Variants in RAB3IL1 observed in about 807,000 individuals in gnomAD.
RAB3IL1 encodes the protein guanine nucleotide exchange factor for Rab-3A.
RAB3IL1 carries 37 observed loss-of-function variants against 49.2 expected under a neutral mutation model. The ratio of observed to expected loss-of-function variants is 0.75; its 90% confidence interval spans 0.58 to 0.99. The LOEUF is 0.99. Among genes scored for constraint, RAB3IL1 ranks in the 50% least tolerant of loss-of-function variants. The pLI is 0.00. For missense variants in RAB3IL1, 484 were observed against 513.0 expected (o/e 0.94, Z 0.55); for synonymous variants, 193 against 213.9 (o/e 0.90, Z 0.85).
At chr11:61,945,327 A>G in the RAB3IL1 span, among the ~76,000 whole-genome samples, 1 of 152,090 alleles carries the variant, frequency 6.6e-6, no homozygotes, top group Non-Finnish European at 1.5e-5. Flanking sequence ...GGGAGAACTG[A>G]TTGTTTCTAC....
chr11:61,926,763 C>T, the RAB3IL1 span, among the ~76,000 whole-genome samples: 2 of 151,884 alleles, frequency 1.3e-5, no homozygotes, highest in Non-Finnish European at 2.9e-5. Context: ...CCATGTTGGC[C>T]GGGCTGGTCT....
At chr11:61,932,938 T>C in the RAB3IL1 span, among the ~76,000 whole-genome samples, 5 of 152,090 alleles carry the variant, frequency 3.3e-5, no homozygotes, top group Non-Finnish European at 7.4e-5. Context: ...GCCCAGCTAA[T>C]TTTTGTATTT....
At chr11:61,927,187 CTCTT>C in the RAB3IL1 span, among the ~76,000 whole-genome samples, 1 of 152,152 alleles carries the variant, frequency 6.6e-6, no homozygotes, top group Admixed American at 6.6e-5. Context: ...CTCCATCTCT[CTCTT>C]TTTCTCTCTC....
intron 8 of RAB3IL1, 127 bp downstream of exon 8, chr11:61,902,315 A>G: frequency 1.2e-6 from 1 of 851,206 alleles, no homozygotes; most frequent in Non-Finnish European, 1.8e-6. Flanking sequence ...CTCTGTCTCA[A>G]AAAATAAATA....
rs1939751867 is a variant in RAB3IL1, at chr11:61,917,490, C to T, written c.-123G>A. On this transcript the variant is annotated 5_prime_UTR_variant, in exon 1 of 10. Transcript: ENST00000394836. ...CGCCCCACCGCCTGTCAGCCCTGCC[C>T]GCGGCCGGTCAGTAGGTCTCAGACG... 8.7e-7 allele frequency: 1 copy of T among 1,145,706 alleles called. No individual in the cohort carries two copies. Among genetic ancestry groups the T allele is most frequent in the Non-Finnish European group, 1.1e-6 (1 of 934,376 alleles). 71.0% of individuals were successfully genotyped at this position (1,145,706 alleles called of 1,614,324 possible).
the RAB3IL1 span, among the ~76,000 whole-genome samples, chr11:61,932,854 C>A: frequency 1.3e-5 from 2 of 150,230 alleles, no homozygotes; most frequent in East Asian, 4.2e-4. Flanking sequence ...TCACTGCAAC[C>A]TCTGCCTCCA....
upstream of RAB3IL1, among the ~76,000 whole-genome samples, chr11:61,918,219 G>A (rs1400400630): frequency 6.6e-6 from 1 of 151,326 alleles, no homozygotes; most frequent in Non-Finnish European, 1.5e-5. Flanking sequence ...AATCCCAGAC[G>A]ACTGGTCTAC....
At chr11:61,946,051 T>C in the RAB3IL1 span, among the ~76,000 whole-genome samples, 1 of 152,196 alleles carries the variant, frequency 6.6e-6, no homozygotes, top group South Asian at 2.1e-4. Context: ...GTGGAGGTGC[T>C]GTTGTCTGTC....
At chr11:61,933,230 G>A in the RAB3IL1 span, among the ~76,000 whole-genome samples, 8 of 152,210 alleles carry the variant, frequency 5.3e-5, no homozygotes, top group African/African-American at 1.4e-4. Flanking sequence ...GTTAAGGACC[G>A]TGAGATGGGG....
intron 8 of RAB3IL1, among the ~76,000 whole-genome samples, chr11:61,900,154 G>A (rs1185980774): frequency 6.6e-6 from 1 of 152,250 alleles, no homozygotes; most frequent in Non-Finnish European, 1.5e-5. Flanking sequence ...TTGCCTCAGG[G>A]TGGAATCAAC....
At chr11:61,907,009 T>G (rs1184179035) in intron 4 of RAB3IL1, among the ~76,000 whole-genome samples, 1 of 152,190 alleles carries the variant, frequency 6.6e-6, no homozygotes, top group African/African-American at 2.4e-5. Context: ...AGGCCTCACA[T>G]TTTGCAGATG....
At chr11:61,930,056 C>T in the RAB3IL1 span, among the ~76,000 whole-genome samples, 4 of 151,860 alleles carry the variant, frequency 2.6e-5, no homozygotes, top group African/African-American at 7.3e-5. Context: ...CCACCATGCC[C>T]GGCTAATCTT....
intron 2 of RAB3IL1, 132 bp from the exon 3 acceptor site, chr11:61,907,792 C>T (rs957532715): frequency 1.1e-5 from 10 of 935,766 alleles, no homozygotes; most frequent in Non-Finnish European, 1.3e-5. Flanking sequence ...TCCTCTGGTG[C>T]CTGACAGTTT....
intron 8 of RAB3IL1, among the ~76,000 whole-genome samples, chr11:61,902,198 C>G (rs1938951342): frequency 6.6e-6 from 1 of 152,240 alleles, no homozygotes; most frequent in South Asian, 2.1e-4. Context: ...CCTGTAATCC[C>G]AGCTACTTGG....
chr11:61,914,544 G>C (rs1342995480), intron 1 of RAB3IL1, among the ~76,000 whole-genome samples: 3 of 152,196 alleles, frequency 2.0e-5, no homozygotes, highest in Non-Finnish European at 4.4e-5. Flanking sequence ...TGAAACTGTG[G>C]GGAATCGGAA....
the RAB3IL1 span, among the ~76,000 whole-genome samples, chr11:61,942,206 C>T: frequency 1.3e-5 from 2 of 152,134 alleles, no homozygotes; most frequent in African/African-American, 4.8e-5. Context: ...AGCAAAACTC[C>T]GTCTCAAAAC....
At chr11:61,901,006 A>C (rs1420040647) in intron 8 of RAB3IL1, among the ~76,000 whole-genome samples, 2 of 151,386 alleles carry the variant, frequency 1.3e-5, no homozygotes, top group Non-Finnish European at 2.9e-5. Flanking sequence ...TGTGGCCCTG[A>C]ACACACCCCT....
At chr11:61,932,465 C>T in the RAB3IL1 span, among the ~76,000 whole-genome samples, 1 of 152,064 alleles carries the variant, frequency 6.6e-6, no homozygotes, top group Admixed American at 6.5e-5. Flanking sequence ...TATCAGTCTT[C>T]AAAAATATCC....
intron 1 of RAB3IL1, among the ~76,000 whole-genome samples, chr11:61,916,046 AAG>A (rs1491085892): frequency 6.8e-6 from 1 of 146,106 alleles, no homozygotes; most frequent in East Asian, 2.1e-4. Flanking sequence ...AAAAAAAAAA[AAG>A]AGTCTCAAGT....
Sources: allele counts gnomAD v4.1 joint callset (sites outside exome capture counted in the v4.1 genomes callset), GRCh38; gene constraint gnomAD v4.1.1; transcripts MANE v1.5; gene names NCBI Gene and HGNC (gene_info 2026-07-23, HGNC 2026-07-21).